Variants in FOXP1 observed in about 807,000 individuals in gnomAD.
FOXP1 encodes forkhead box protein P1.
In FOXP1, 15 loss-of-function variants were observed where a neutral mutation model predicts 98.2. The ratio of observed to expected loss-of-function variants is 0.15; its 90% CI spans 0.10 to 0.24. The LOEUF is 0.24. Among genes scored for constraint, FOXP1 ranks in the 10% least tolerant of loss-of-function variants. The pLI is 1.00. For missense variants in FOXP1, 633 were observed against 848.5 expected, an observed-to-expected ratio of 0.75 and a Z score of 3.15; for synonymous variants, 371 against 314.5, an observed-to-expected ratio of 1.18 and a Z score of -1.90.
At chr3:71,540,670 T>C (rs890924512) in intron 2 of FOXP1, among the ~76,000 whole-genome samples, 4 of 152,180 alleles carry the variant, frequency 2.6e-5, no homozygotes, top group African/African-American at 9.7e-5. Context: ...GACCTGGAGA[T>C]GTCAGGGTAA....
At chr3:71,383,719 T>C (rs1450994782) in intron 3 of FOXP1, among the ~76,000 whole-genome samples, 4 of 152,160 alleles carry the variant, frequency 2.6e-5, no homozygotes, top group Non-Finnish European at 5.9e-5. Flanking sequence ...GCTTGAAACA[T>C]GGAAGACCAG....
intron 6 of FOXP1, among the ~76,000 whole-genome samples, chr3:71,141,049 A>G (rs1442502651): frequency 6.6e-6 from 1 of 152,006 alleles, no homozygotes; most frequent in African/African-American, 2.4e-5. Flanking sequence ...TGGGTGGATC[A>G]CGAGGTCAAG....
chr3:71,448,240 C>T (rs1471641037), intron 3 of FOXP1, among the ~76,000 whole-genome samples: 1 of 152,172 alleles, frequency 6.6e-6, no homozygotes, highest in Non-Finnish European at 1.5e-5. Flanking sequence ...TGCTTCCTTT[C>T]CCCTTACACA....
intron 5 of FOXP1, among the ~76,000 whole-genome samples, chr3:71,252,853 T>A (rs764243925): frequency 2.4e-4 from 37 of 152,212 alleles, no homozygotes; most frequent in Non-Finnish European, 4.1e-4. Context: ...TACTCTAACA[T>A]GTAACAGCAG....
chr3:71,122,539 T>C (rs1029613466), intron 6 of FOXP1, among the ~76,000 whole-genome samples: 3 of 152,174 alleles, frequency 2.0e-5, no homozygotes, highest in Admixed American at 6.5e-5. Flanking sequence ...TCTGGAAACA[T>C]AGGGACAAGT....
chr3:71,098,198 T>G (rs1463868345), intron 7 of FOXP1, among the ~76,000 whole-genome samples: 15 of 152,212 alleles, frequency 9.9e-5, no homozygotes, highest in African/African-American at 4.8e-5. Flanking sequence ...AATGAGAGAT[T>G]TAGGTGTATT....
At chr3:71,067,558 C>G (rs2052668641) in intron 7 of FOXP1, among the ~76,000 whole-genome samples, 1 of 152,080 alleles carries the variant, frequency 6.6e-6, no homozygotes, top group Non-Finnish European at 1.5e-5. Context: ...CCTCATTGTA[C>G]AGAGGAGGAA....
At chr3:71,546,706 C>T (rs1036323829) in intron 2 of FOXP1, among the ~76,000 whole-genome samples, 2 of 152,026 alleles carry the variant, frequency 1.3e-5, no homozygotes, top group African/African-American at 4.8e-5. Flanking sequence ...ACCAGTGCCA[C>T]TCCTTGCTCA....
chr3:71,194,801 G>A (rs2063203645), intron 6 of FOXP1, among the ~76,000 whole-genome samples: 1 of 152,146 alleles, frequency 6.6e-6, no homozygotes, highest in Non-Finnish European at 1.5e-5. Context: ...GAAAACTATT[G>A]TTATAATAGT....
chr3:71,554,918 G>A (rs989879197), intron 2 of FOXP1, among the ~76,000 whole-genome samples: 2 of 152,112 alleles, frequency 1.3e-5, no homozygotes, highest in African/African-American at 4.8e-5. Context: ...GTCCCCAAGA[G>A]TAGATAGTAA....
At chr3:71,032,392 G>A (rs562875306) in intron 11 of FOXP1, among the ~76,000 whole-genome samples, 119 of 152,326 alleles carry the variant, frequency 7.8e-4, no homozygotes, top group Non-Finnish European at 1.3e-3. Flanking sequence ...CTCAATTCCC[G>A]AAATAGTTTC....
At chr3:71,433,481 C>T (rs2084921831) in intron 3 of FOXP1, among the ~76,000 whole-genome samples, 1 of 152,158 alleles carries the variant, frequency 6.6e-6, no homozygotes, top group Non-Finnish European at 1.5e-5. Flanking sequence ...GCAAAGGCTT[C>T]CAATACATTC....
intron 6 of FOXP1, among the ~76,000 whole-genome samples, chr3:71,152,592 C>T (rs560892512): frequency 1.3e-5 from 2 of 152,152 alleles, no homozygotes; most frequent in African/African-American, 4.8e-5. Context: ...CTCTGACCCC[C>T]ACACAGACCT....
intron 6 of FOXP1, among the ~76,000 whole-genome samples, chr3:71,178,658 C>T (rs112570504): frequency 0.033 from 4,956 of 151,518 alleles, 277 homozygotes; most frequent in African/African-American, 0.11. Flanking sequence ...CCGAGGCAGG[C>T]GGATCACGAG....
chr3:71,410,151 G>A (rs1041076852), intron 3 of FOXP1, among the ~76,000 whole-genome samples: 2 of 152,186 alleles, frequency 1.3e-5, no homozygotes, highest in African/African-American at 4.8e-5. Flanking sequence ...GAGTTTTCAG[G>A]AGGATGCAAT....
chr3:71,075,625 C>CA, intron 7 of FOXP1, among the ~76,000 whole-genome samples: 2 of 152,306 alleles, frequency 1.3e-5, no homozygotes, highest in Non-Finnish European at 1.5e-5. Context: ...TGGTGTGCTA[C>CA]ATACCCCAGC....
chr3:71,198,195 C>CCAGT lies in FOXP1; in HGVS notation c.180+3_180+6dup. The CCAGT allele has an allele frequency of 6.2e-7, 1 of 1,614,126 alleles. No homozygotes were observed. ...CCTCCACCTCCCAAGACTCCAAAGCCCAGTACCTGTTGCTGCTGCTGCTGG... is the reference window on the plus strand; with the variant it reads ...CCTCCACCTCCCAAGACTCCAAAGCCCAGTCAGTACCTGTTGCTGCTGCTGCTGG... On this transcript the variant is annotated splice_region_variant and intron_variant, in intron 6 of 20. Coordinates refer to ENST00000649528, the MANE Select transcript of FOXP1 (RefSeq NM_001349338.3).
intron 1 of FOXP1, chr3:71,582,605 TTCAGAGGGGGGTAAAATCAGAAAATG>T: frequency 1.0e-6 from 1 of 985,294 alleles, no homozygotes. Flanking sequence ...TCCCCCAAGC[TTCAGAGGGGGGTAAAATCAGAAAATG>T]TGTGTGATGG....
intron 3 of FOXP1, among the ~76,000 whole-genome samples, chr3:71,450,200 G>C (rs1397360804): frequency 2.0e-5 from 3 of 152,194 alleles, no homozygotes; most frequent in Non-Finnish European, 4.4e-5. Flanking sequence ...TGATTTAACT[G>C]AAACTACTTT....
Sources: allele counts gnomAD v4.1 joint callset (sites outside exome capture counted in the v4.1 genomes callset), GRCh38; gene constraint gnomAD v4.1.1; transcripts MANE v1.5; gene names NCBI Gene and HGNC (gene_info 2026-07-23, HGNC 2026-07-21).